CHN1: variants seen among roughly 807,000 people sequenced by gnomAD.
The protein encoded by CHN1 is chimerin 1.
A neutral mutation model predicts 59.5 loss-of-function variants in CHN1; 37 were observed. The observed-to-expected ratio is 0.62, with a 90% CI of 0.48 to 0.82. The LOEUF is 0.82. Among genes scored for constraint, CHN1 ranks in the 40% least tolerant of loss-of-function variants. The pLI, the probability that CHN1 is intolerant of heterozygous loss-of-function variation, is 0.00. For synonymous variants in CHN1, 206 were observed against 200.4 expected (o/e 1.03, Z -0.24); for missense variants, 469 against 571.0 (o/e 0.82, Z 1.82).
At chr2:175,001,020 G>A (rs1691872940) in intron 1 of CHN1, among the ~76,000 whole-genome samples, 1 of 152,186 alleles carries the variant, frequency 6.6e-6, no homozygotes, top group Non-Finnish European at 1.5e-5. Flanking sequence ...CTGAACTCAA[G>A]CAGTTCTCTT....
In CHN1 at chr2:174,878,017, G is replaced by C. The variant is rs1558963574; in HGVS notation, c.372C>G (p.Leu124=). The C allele has an allele frequency of 2.5e-6, 4 of 1,613,802 alleles. No individual in the cohort carries two copies. Among genetic ancestry groups the C allele is most frequent in the Non-Finnish European group, 3.4e-6 (4 of 1,179,814 alleles). ...ATTCTGCTGCCTTGGTTTCAATATA[G>C]AGAGTAATCAAGCCATCAGTCACCA... is the stretch of plus-strand genomic sequence containing the variant. The part of the protein sequence containing the change: ...HDLVTDGLIT[L]YIETKAAEYI... Residue 124 remains leucine (L), a synonymous_variant, in exon 6 of 13, where the codon CTC becomes CTG. Coordinates refer to ENST00000409900, the MANE Select transcript of CHN1 (RefSeq NM_001822.7).
intron 5 of CHN1, among the ~76,000 whole-genome samples, chr2:174,880,687 C>T (rs1232593869): frequency 6.6e-6 from 1 of 152,162 alleles, no homozygotes; most frequent in Non-Finnish European, 1.5e-5. Flanking sequence ...GAGTTCCTAT[C>T]GCTTGGTAAC....
intron 11 of CHN1, among the ~76,000 whole-genome samples, chr2:174,802,829 G>C (rs1574032367): frequency 6.6e-6 from 1 of 152,136 alleles, no homozygotes; most frequent in East Asian, 1.9e-4. Context: ...CATGAGGTCA[G>C]GAGTTTGAGA....
chr2:174,800,315 G>T, intron 12 of CHN1, 28 bp from the exon 13 acceptor site: 2 of 1,412,394 alleles, frequency 1.4e-6, no homozygotes, highest in Non-Finnish European at 1.9e-6. Context: ...AGGAATAAAT[G>T]ACTTTGTGTA....
intron 1 of CHN1, among the ~76,000 whole-genome samples, chr2:174,994,702 A>G (rs1691650796): frequency 6.6e-6 from 1 of 152,172 alleles, no homozygotes; most frequent in Non-Finnish European, 1.5e-5. Context: ...TGTAGAGGTG[A>G]GGGCAAAGAA....
At chr2:174,951,020 C>G (rs971648039) in intron 2 of CHN1, among the ~76,000 whole-genome samples, 1 of 152,188 alleles carries the variant, frequency 6.6e-6, no homozygotes, top group Non-Finnish European at 1.5e-5. Flanking sequence ...CTCAGGCAAT[C>G]CGCCTGCCTC....
chr2:174,996,772 TC>T (rs1691725375), intron 1 of CHN1, among the ~76,000 whole-genome samples: 1 of 152,118 alleles, frequency 6.6e-6, no homozygotes, highest in Non-Finnish European at 1.5e-5. Context: ...CCTCAACTCC[TC>T]CAGCTTTCCC....
intron 8 of CHN1, among the ~76,000 whole-genome samples, chr2:174,818,918 CTTTATG>C (rs148930296): frequency 0.048 from 7,282 of 152,128 alleles, 273 homozygotes; most frequent in African/African-American, 0.099. Flanking sequence ...TAAAGGATAA[CTTTATG>C]TTAATAAGAT....
At chr2:174,804,988 A>G (rs1684843014) in intron 11 of CHN1, among the ~76,000 whole-genome samples, 1 of 152,268 alleles carries the variant, frequency 6.6e-6, no homozygotes, top group African/African-American at 2.4e-5. Flanking sequence ...TTACAAAAGT[A>G]TTACCCATTA....
At chr2:174,865,504 G>C (rs1574103806) in intron 6 of CHN1, among the ~76,000 whole-genome samples, 1 of 152,112 alleles carries the variant, frequency 6.6e-6, no homozygotes, top group Non-Finnish European at 1.5e-5. Flanking sequence ...AGATCTCCAT[G>C]TTAATACCTA....
intron 2 of CHN1, among the ~76,000 whole-genome samples, chr2:174,949,532 T>C (rs181277337): frequency 5.9e-5 from 9 of 152,088 alleles, no homozygotes; most frequent in Non-Finnish European, 8.8e-5. Context: ...AATGTTTTTA[T>C]TTCTTATTTT....
At chr2:174,993,275 T>A (rs1179831816) in intron 1 of CHN1, among the ~76,000 whole-genome samples, 4 of 152,152 alleles carry the variant, frequency 2.6e-5, no homozygotes, top group Non-Finnish European at 5.9e-5. Context: ...AATTCCTGCT[T>A]GTTCATGTTA....
At chr2:174,970,724 A>C (rs1690732219) in intron 1 of CHN1, among the ~76,000 whole-genome samples, 1 of 152,226 alleles carries the variant, frequency 6.6e-6, no homozygotes, top group South Asian at 2.1e-4. Context: ...ACGAGAGTAA[A>C]AATGTCATTG....
intron 5 of CHN1, among the ~76,000 whole-genome samples, chr2:174,892,986 A>G (rs1042340195): frequency 2.6e-5 from 4 of 152,218 alleles, no homozygotes; most frequent in Non-Finnish European, 5.9e-5. Flanking sequence ...TAAAAGGGTT[A>G]TAGATAAAAA....
At chr2:174,910,188 G>T in intron 5 of CHN1, among the ~76,000 whole-genome samples, 1 of 151,844 alleles carries the variant, frequency 6.6e-6, no homozygotes, top group Admixed American at 6.6e-5. Flanking sequence ...TCTTTTTCCA[G>T]TTTTCTTCTA....
At chr2:174,923,816 G>A (rs919170990) in intron 3 of CHN1, among the ~76,000 whole-genome samples, 2 of 152,092 alleles carry the variant, frequency 1.3e-5, no homozygotes, top group African/African-American at 4.8e-5. Context: ...ATTGATTATG[G>A]TCTTACATTA....
Position 174,799,595 on chromosome 2 carries a change from A to G in CHN1, c.*521T>C. 1 of 527,530 alleles carries G rather than the reference A, an allele frequency of 1.9e-6. No homozygotes were observed. Among genetic ancestry groups the G allele is most frequent in the South Asian group, 1.5e-5 (1 of 65,114 alleles). 32.7% of individuals were successfully genotyped at this position (527,530 alleles called of 1,614,324 possible). ...GAAAGAAAGTACTATGTTAGAGAAG[A>G]ACTAAGAGAAACCAGAAATCATTTG... On this transcript the variant is annotated 3_prime_UTR_variant, in exon 13 of 13. Coordinates refer to ENST00000409900, the MANE Select transcript of CHN1 (RefSeq NM_001822.7).
At chr2:174,930,724 C>T (rs746442288) in intron 3 of CHN1, among the ~76,000 whole-genome samples, 4 of 151,586 alleles carry the variant, frequency 2.6e-5, no homozygotes, top group African/African-American at 9.7e-5. Context: ...ATATTCAAGA[C>T]GGATGCCTAG....
At chr2:174,959,735 C>T (rs1011203486) in intron 1 of CHN1, among the ~76,000 whole-genome samples, 5 of 152,178 alleles carry the variant, frequency 3.3e-5, no homozygotes, top group Non-Finnish European at 7.3e-5. Flanking sequence ...CTGCGTTTAT[C>T]AGGTAGGACA....
Sources: allele counts gnomAD v4.1 joint callset (sites outside exome capture counted in the v4.1 genomes callset), GRCh38; gene constraint gnomAD v4.1.1; transcripts MANE v1.5; gene names NCBI Gene and HGNC (gene_info 2026-07-23, HGNC 2026-07-21).